SYT1: variants seen among roughly 807,000 people sequenced by gnomAD.
SYT1 encodes synaptotagmin-1.
A neutral mutation model predicts 44.8 loss-of-function variants in SYT1; 8 were observed. The ratio of observed to expected loss-of-function variants is 0.18; its 90% CI spans 0.10 to 0.32. The LOEUF (loss-of-function observed/expected upper bound fraction) is 0.32. SYT1 is among the 10% of genes least tolerant of loss of function. SYT1 has a pLI of 1.00. For synonymous variants in SYT1, 154 were observed against 188.8 expected (o/e 0.82, Z 1.51); for missense variants, 286 against 509.3 (o/e 0.56, Z 4.22).
intron 9 of SYT1, among the ~76,000 whole-genome samples, chr12:79,432,459 C>T (rs969638985): frequency 4.0e-5 from 6 of 151,262 alleles, no homozygotes; most frequent in African/African-American, 1.5e-4. Flanking sequence ...TGAGAACATG[C>T]GGTTTTTGGT....
intron 3 of SYT1, among the ~76,000 whole-genome samples, chr12:79,166,532 T>C (rs1209180658): frequency 6.6e-6 from 1 of 151,976 alleles, no homozygotes; most frequent in Admixed American, 6.6e-5. Flanking sequence ...TGAATAGCCA[T>C]CTAGGTCATT....
At chr12:79,390,072 A>G (rs1260813707) in intron 9 of SYT1, among the ~76,000 whole-genome samples, 4 of 151,790 alleles carry the variant, frequency 2.6e-5, no homozygotes, top group Non-Finnish European at 5.9e-5. Flanking sequence ...AGCTGGGACT[A>G]CAGGCGCCCG....
At chr12:79,177,046 T>TA (rs1555204449) in intron 3 of SYT1, among the ~76,000 whole-genome samples, 2 of 8,616 alleles carry the variant, frequency 2.3e-4, no homozygotes, top group Non-Finnish European at 3.9e-4. Flanking sequence ...TTTTTTTTTT[T>TA]ATGTTTTTTT....
chr12:79,369,659 C>T (rs536924966), intron 9 of SYT1, among the ~76,000 whole-genome samples: 1 of 152,294 alleles, frequency 6.6e-6, no homozygotes, highest in South Asian at 2.1e-4. Flanking sequence ...ATACTATTCT[C>T]AAGCCAAATT....
chr12:79,389,391 C>G (rs949713701), intron 9 of SYT1, among the ~76,000 whole-genome samples: 3 of 152,082 alleles, frequency 2.0e-5, no homozygotes, highest in African/African-American at 7.2e-5. Context: ...AAATTGAGAC[C>G]ATTTTTAGTT....
chr12:79,203,942 A>G (rs1873946042), intron 3 of SYT1, among the ~76,000 whole-genome samples: 1 of 152,240 alleles, frequency 6.6e-6, no homozygotes, highest in Non-Finnish European at 1.5e-5. Context: ...AGCACCTAGT[A>G]TAATGTTGGA....
At position 79,243,543 on chromosome 12, in the gene SYT1, C is replaced by T. The variant is rs534371289; in HGVS notation, c.166+25858C>T. 1.1e-4 allele frequency among the ~76,000 whole-genome samples: 16 copies of T among 152,282 alleles called. No homozygotes were observed. In the East Asian group the frequency reaches 2.5e-3, roughly 24 times the overall value. ...CAAGAATTGCTAAAGCAATCGAAAT[C>T]GAATCCCTTTTCCCTGCTTCGAAAT... is the stretch of plus-strand genomic sequence containing the variant. On this transcript the variant is annotated intron_variant, in intron 4 of 10. Transcript: ENST00000261205.
At chr12:79,334,539 T>C (rs754244773) in intron 8 of SYT1, among the ~76,000 whole-genome samples, 6 of 152,004 alleles carry the variant, frequency 3.9e-5, no homozygotes, top group Non-Finnish European at 8.8e-5. Context: ...GAAGGGAAGT[T>C]GTACCAGGCA....
chr12:78,892,445 A>T (rs1185526232), intron 1 of SYT1, among the ~76,000 whole-genome samples: 1 of 151,774 alleles, frequency 6.6e-6, no homozygotes, highest in Non-Finnish European at 1.5e-5. Flanking sequence ...TCAGTAATAT[A>T]AAATAGAGAA....
chr12:78,875,963 T>C (rs1459717014), intron 1 of SYT1, among the ~76,000 whole-genome samples: 1 of 151,654 alleles, frequency 6.6e-6, no homozygotes, highest in East Asian at 1.9e-4. Flanking sequence ...TCTAAAGAAA[T>C]TAAATACATG....
At chr12:78,956,467 T>G (rs1249350639) in intron 1 of SYT1, among the ~76,000 whole-genome samples, 1 of 151,920 alleles carries the variant, frequency 6.6e-6, no homozygotes, top group Non-Finnish European at 1.5e-5. Context: ...AGTTAATATC[T>G]CTCTCCCTAC....
At position 79,158,895 on chromosome 12, in the gene SYT1, C is replaced by CAAA. The variant is rs35276771; in HGVS notation, c.-17-58598_-17-58596dup. Among the ~76,000 whole-genome samples, 66 of 138,872 alleles carry CAAA rather than the reference C, an allele frequency of 4.8e-4. 1 individual carries two copies. Among genetic ancestry groups the CAAA allele is most frequent in the African/African-American group, 1.6e-3 (60 of 37,960 alleles). The allele number at this position is 138,872 out of a possible 152,430, so 91.1% of individuals were successfully genotyped here. A position where few individuals can be genotyped will look rare whatever the true frequency, so the allele number is the denominator to read the frequency against. Reference sequence around the variant, plus strand: ...CTGGGTGACAAGTGAAACCTTGTCTCAAAAAAAAAAAATTGATAAAAGATA... The same window carrying CAAA: ...CTGGGTGACAAGTGAAACCTTGTCTCAAAAAAAAAAAAAAATTGATAAAAGATA... On this transcript the variant is annotated intron_variant, in intron 3 of 10. Transcript: ENST00000261205.
chr12:79,364,679 A>C (rs575743506), intron 9 of SYT1, among the ~76,000 whole-genome samples: 4 of 152,356 alleles, frequency 2.6e-5, no homozygotes, highest in Middle Eastern at 3.4e-3. Context: ...CTTTTAGCCA[A>C]AACTAAAGCA....
At chr12:79,101,017 T>A (rs1351503266) in intron 3 of SYT1, among the ~76,000 whole-genome samples, 1 of 152,206 alleles carries the variant, frequency 6.6e-6, no homozygotes, top group Non-Finnish European at 1.5e-5. Flanking sequence ...CAATATTATA[T>A]ACATAATGAA....
intron 9 of SYT1, among the ~76,000 whole-genome samples, chr12:79,429,826 G>T (rs1203796983): frequency 6.6e-6 from 1 of 152,204 alleles, no homozygotes. Context: ...TGGATTTGTA[G>T]TGTTAATCTG....
rs117482106 is a variant in SYT1 at position 79,211,428 on chromosome 12, A to G, written c.-17-6075A>G. On this transcript the variant is annotated intron_variant, in intron 3 of 10. Transcript: ENST00000261205. ...TTTATTGAGAATTTCTAGAAGAAAAATGACCCTTTCTTTTTTTTATTATTA... is the reference window on the plus strand; with the variant it reads ...TTTATTGAGAATTTCTAGAAGAAAAGTGACCCTTTCTTTTTTTTATTATTA... Among the ~76,000 whole-genome samples the G allele has an allele frequency of 2.2e-3, 330 of 152,132 alleles. 4 individuals carry two copies. Among genetic ancestry groups the G allele is most frequent in the East Asian group, 0.021 (109 of 5,186 alleles).
intron 8 of SYT1, among the ~76,000 whole-genome samples, chr12:79,315,405 C>G (rs1351170210): frequency 6.6e-6 from 1 of 152,082 alleles, no homozygotes; most frequent in African/African-American, 2.4e-5. Context: ...TTTGTAGAGA[C>G]TGGATCTTAC....
chr12:78,948,953 CTATTATATTATATTATATTA>C (rs71441943), intron 1 of SYT1, among the ~76,000 whole-genome samples: 43 of 142,490 alleles, frequency 3.0e-4, no homozygotes, highest in East Asian at 2.8e-3. Context: ...AAATCAAGGC[CTATTATATTATATTATATTA>C]TATTATATTA....
chr12:79,346,584 G>A (rs150309459), intron 8 of SYT1, among the ~76,000 whole-genome samples: 2 of 152,248 alleles, frequency 1.3e-5, no homozygotes, highest in African/African-American at 2.4e-5. Context: ...ACCCTACAGG[G>A]TCTTGAAATT....
Sources: gnomAD v4.1 joint callset for allele counts (sites outside exome capture counted in the v4.1 genomes callset) on GRCh38, gnomAD v4.1.1 for gene constraint, MANE v1.5 for transcripts, NCBI Gene and HGNC (gene_info 2026-07-23, HGNC 2026-07-21) for gene names.